XKR4: variants seen among roughly 807,000 people sequenced by gnomAD.
XKR4 encodes XK related 4, also known as XK-related protein 4.
In XKR4, 12 loss-of-function variants were observed where a neutral mutation model predicts 53.9. The ratio of observed to expected loss-of-function variants is 0.22; its 90% CI spans 0.14 to 0.36. XKR4 has a LOEUF of 0.36. Ranked by LOEUF, XKR4 falls within the 10% of genes least tolerant of loss-of-function variation. The pLI is 1.00. For synonymous variants in XKR4, 354 were observed against 362.4 expected (o/e 0.98, Z 0.26); for missense variants, 799 against 859.5 (o/e 0.93, Z 0.88).
chr8:55,359,096 T>C (rs1803862074), intron 2 of XKR4, among the ~76,000 whole-genome samples: 1 of 152,242 alleles, frequency 6.6e-6, no homozygotes, highest in African/African-American at 2.4e-5. Context: ...ATCCACAATG[T>C]ATGTTTCTCA....
intron 1 of XKR4, among the ~76,000 whole-genome samples, chr8:55,277,232 A>C (rs538687108): frequency 3.0e-4 from 45 of 152,342 alleles, no homozygotes; most frequent in Admixed American, 7.2e-4. Context: ...TATGTTCACC[A>C]TCCATCATTT....
At chr8:55,141,671 C>CTCTCTCTCTCTCTGTG (rs748708972) in intron 1 of XKR4, among the ~76,000 whole-genome samples, 3 of 135,184 alleles carry the variant, frequency 2.2e-5, no homozygotes, top group Admixed American at 7.6e-5. Flanking sequence ...CTCTCTCTCT[C>CTCTCTCTCTCTCTGTG]TGTGTGTGTG....
At chr8:55,333,521 A>C (rs1299854949) in intron 1 of XKR4, among the ~76,000 whole-genome samples, 1 of 152,024 alleles carries the variant, frequency 6.6e-6, no homozygotes, top group East Asian at 1.9e-4. Context: ...TTTCCCTAGG[A>C]GTTTCACCCC....
intron 1 of XKR4, among the ~76,000 whole-genome samples, chr8:55,161,004 T>C (rs1455302756): frequency 2.0e-5 from 3 of 152,150 alleles, no homozygotes; most frequent in African/African-American, 4.8e-5. Flanking sequence ...TCTGGAGACA[T>C]TGGTGATTGT....
At chr8:55,307,371 G>A (rs1003070264) in intron 1 of XKR4, among the ~76,000 whole-genome samples, 69 of 152,292 alleles carry the variant, frequency 4.5e-4, no homozygotes, top group African/African-American at 1.6e-3. Context: ...TACAGGAGGG[G>A]TGCAGTGGCT....
At chr8:55,406,160 TTTAATTAATA>T (rs1804679229) in intron 2 of XKR4, among the ~76,000 whole-genome samples, 1 of 152,230 alleles carries the variant, frequency 6.6e-6, no homozygotes, top group Non-Finnish European at 1.5e-5. Flanking sequence ...GTAAAATTTA[TTTAATTAATA>T]TGATAATGAG....
intron 1 of XKR4, among the ~76,000 whole-genome samples, chr8:55,276,150 C>T (rs1181603894): frequency 1.3e-5 from 2 of 152,190 alleles, no homozygotes; most frequent in African/African-American, 2.4e-5. Context: ...TAGAACTACA[C>T]TTCACACAGC....
intron 2 of XKR4, among the ~76,000 whole-genome samples, chr8:55,390,160 G>C (rs1804425433): frequency 6.6e-6 from 1 of 152,204 alleles, no homozygotes; most frequent in African/African-American, 2.4e-5. Context: ...TTCTGGCTAA[G>C]GTTTATTTAA....
At chr8:55,329,369 AT>A (rs375013758) in intron 1 of XKR4, among the ~76,000 whole-genome samples, 1,775 of 144,428 alleles carry the variant, frequency 0.012, 28 homozygotes, top group African/African-American at 0.041. Flanking sequence ...CAAACATGAG[AT>A]TTTTTTTTTT....
rs1806153823 is a variant in XKR4, at chr8:55,483,881, TG to T, written c.1007-39399del. The stretch of plus-strand genomic sequence containing the variant: ...AAACAGAAAAATAGAGAAAATGAAA[TG>T]AAATGAAATGAAAATGAAAAGCTGG... On this transcript the variant is annotated intron_variant, in intron 2 of 2. Transcript: ENST00000327381. Among the ~76,000 whole-genome samples, 4 of 150,374 alleles carry T rather than the reference TG, an allele frequency of 2.7e-5. No homozygotes were observed. In the South Asian group the frequency reaches 8.5e-4, roughly 32 times the overall value.
chr8:55,265,424 G>A (rs1253641579), intron 1 of XKR4, among the ~76,000 whole-genome samples: 3 of 152,192 alleles, frequency 2.0e-5, no homozygotes, highest in Non-Finnish European at 4.4e-5. Context: ...GCCTGAAAAC[G>A]AACCCATTCC....
rs151167098 is a variant in XKR4, at chr8:55,460,652, G to A, written c.1007-62629G>A. ...GTGGGTGCAGGACAGTGGGCGCAGC[G>A]CACCAAGCATGAGCCGAAGCAGGGT... is the stretch of plus-strand genomic sequence containing the variant. On this transcript the variant is annotated intron_variant, in intron 2 of 2. Coordinates refer to ENST00000327381, the MANE Select transcript of XKR4 (RefSeq NM_052898.2). Among the ~76,000 whole-genome samples, 166 of 152,222 alleles carry A rather than the reference G, an allele frequency of 1.1e-3. No homozygotes were observed. The Middle Eastern group carries it at 0.014, about 12-fold the overall frequency.
chr8:55,301,298 A>C (rs2129376830), intron 1 of XKR4, among the ~76,000 whole-genome samples: 1 of 151,938 alleles, frequency 6.6e-6, no homozygotes, highest in South Asian at 2.1e-4. Context: ...TTCCAGCTTC[A>C]TCCATGTCCC....
At position 55,240,210 on chromosome 8, in the gene XKR4, G is replaced by A. The variant is rs563913040; in HGVS notation, c.807-117468G>A. On this transcript the variant is annotated intron_variant, in intron 1 of 2. Coordinates refer to ENST00000327381, the MANE Select transcript of XKR4 (RefSeq NM_052898.2). ...TGAATTCTCACAAGCCAGCCAATTAGAATACATTTATGAAATGCCCCAAAT... is the reference window on the plus strand; with the variant it reads ...TGAATTCTCACAAGCCAGCCAATTAAAATACATTTATGAAATGCCCCAAAT... Among the ~76,000 whole-genome samples the A allele has an allele frequency of 2.4e-4, 37 of 152,118 alleles. No individual in the cohort carries two copies. The South Asian group carries it at 6.2e-3, about 26-fold the overall frequency.
At chr8:55,250,910 C>T (rs970491855) in intron 1 of XKR4, among the ~76,000 whole-genome samples, 2 of 152,152 alleles carry the variant, frequency 1.3e-5, no homozygotes, top group Non-Finnish European at 2.9e-5. Context: ...TGGTGTTAGA[C>T]CATTTTCAGT....
intron 1 of XKR4, among the ~76,000 whole-genome samples, chr8:55,308,649 T>C (rs1819345248): frequency 6.6e-6 from 1 of 152,150 alleles, no homozygotes; most frequent in Admixed American, 6.5e-5. Flanking sequence ...AATCTGAATC[T>C]TGAGTATTTA....
intron 1 of XKR4, among the ~76,000 whole-genome samples, chr8:55,180,855 A>AT (rs1252589089): frequency 6.6e-6 from 1 of 151,662 alleles, no homozygotes; most frequent in Non-Finnish European, 1.5e-5. Context: ...TTTTTTAAAA[A>AT]TTATTTCTTT....
At chr8:55,194,953 A>T (rs1817484931) in intron 1 of XKR4, among the ~76,000 whole-genome samples, 2 of 152,220 alleles carry the variant, frequency 1.3e-5, no homozygotes, top group Non-Finnish European at 2.9e-5. Context: ...ATATTCCATG[A>T]TAGATGTCTA....
intron 1 of XKR4, among the ~76,000 whole-genome samples, chr8:55,329,821 A>G (rs1803357178): frequency 6.6e-6 from 1 of 152,168 alleles, no homozygotes; most frequent in Admixed American, 6.5e-5. Context: ...CCCACTTTCG[A>G]CTACCAAAAG....
Sources: gnomAD v4.1 joint callset for allele counts (sites outside exome capture counted in the v4.1 genomes callset) on GRCh38, gnomAD v4.1.1 for gene constraint, MANE v1.5 for transcripts, NCBI Gene and HGNC (gene_info 2026-07-23, HGNC 2026-07-21) for gene names.